PIAS2: variants seen among roughly 807,000 people sequenced by gnomAD.
PIAS2 encodes the protein E3 SUMO-protein ligase PIAS2.
In PIAS2, 19 loss-of-function variants were observed where a neutral mutation model predicts 69.7. That is an observed-to-expected ratio of 0.27 (90% CI 0.19 to 0.40). The LOEUF is 0.40. Among genes scored for constraint, PIAS2 ranks in the 10% least tolerant of loss-of-function variants. PIAS2 has a pLI of 1.00. For missense variants in PIAS2, 624 were observed against 757.0 expected (o/e 0.82, Z 2.06); for synonymous variants, 261 against 263.2 (o/e 0.99, Z 0.08).
intron 1 of PIAS2, among the ~76,000 whole-genome samples, chr18:46,912,266 T>G (rs1345704308): frequency 6.6e-6 from 1 of 152,212 alleles, no homozygotes; most frequent in Non-Finnish European, 1.5e-5. Context: ...CTCAAGTCTC[T>G]TACATGAAAT....
chr18:46,861,411 A>C (rs2048644371), intron 3 of PIAS2, among the ~76,000 whole-genome samples: 1 of 152,220 alleles, frequency 6.6e-6, no homozygotes, highest in Admixed American at 6.5e-5. Flanking sequence ...CACTGAATTA[A>C]TCTGCAAAAG....
chr18:46,880,578 G>C (rs1320950538), intron 2 of PIAS2, among the ~76,000 whole-genome samples: 3 of 152,156 alleles, frequency 2.0e-5, no homozygotes, highest in African/African-American at 7.2e-5. Flanking sequence ...GGGCAACACA[G>C]TGAGACCCCC....
intron 1 of PIAS2, among the ~76,000 whole-genome samples, chr18:46,915,794 A>C (rs932793622): frequency 1.7e-4 from 26 of 151,698 alleles, no homozygotes; most frequent in South Asian, 4.2e-4. Flanking sequence ...TCATTAACAA[A>C]AAAAAAAAAA....
chr18:46,860,861 T>TC lies in PIAS2; in HGVS notation c.584+3302_584+3303insG, dbSNP rs2048552939. Among the ~76,000 whole-genome samples, 4 of 152,098 alleles carry TC rather than the reference T, an allele frequency of 2.6e-5. No homozygotes were observed. The South Asian group carries it at 8.3e-4, about 32-fold the overall frequency. ...GTGTGGTGTTGTACACCTGTAGTCC[T>TC]AGCTTCTTGTGGGGCTGAGATGGGA... On this transcript the variant is annotated intron_variant, in intron 3 of 13. Transcript: ENST00000585916.
intron 2 of PIAS2, among the ~76,000 whole-genome samples, chr18:46,871,659 C>G (rs546181776): frequency 6.6e-6 from 1 of 152,102 alleles, no homozygotes; most frequent in African/African-American, 2.4e-5. Context: ...AAGAGCAGCT[C>G]GTTCCTGTTT....
At chr18:46,839,883 C>G (rs2145158708) in intron 8 of PIAS2, among the ~76,000 whole-genome samples, 1 of 147,842 alleles carries the variant, frequency 6.8e-6, no homozygotes, top group Non-Finnish European at 1.5e-5. Context: ...AAAAAAAAGG[C>G]CGGGCACAGT....
At chr18:46,815,559 G>C (rs2041424724) in intron 12 of PIAS2, 1 of 985,056 alleles carries the variant, frequency 1.0e-6, no homozygotes, top group African/African-American at 1.7e-5. Context: ...GGAAAAACTA[G>C]CTCCCAGAGA....
At chr18:46,852,077 C>G (rs1466405954) in intron 5 of PIAS2, among the ~76,000 whole-genome samples, 2 of 152,208 alleles carry the variant, frequency 1.3e-5, no homozygotes, top group Admixed American at 6.5e-5. Flanking sequence ...CTCACTATAA[C>G]TCCTATAGGG....
intron 2 of PIAS2, among the ~76,000 whole-genome samples, chr18:46,869,672 G>A (rs1041196944): frequency 1.3e-5 from 2 of 152,140 alleles, no homozygotes; most frequent in Non-Finnish European, 2.9e-5. Flanking sequence ...ACATACTGGA[G>A]GGACAGTGAA....
chr18:46,881,739 T>C (rs1477335021), intron 2 of PIAS2, among the ~76,000 whole-genome samples: 1 of 152,220 alleles, frequency 6.6e-6, no homozygotes, highest in East Asian at 1.9e-4. Flanking sequence ...AATGTGAACA[T>C]TACCTCCCTA....
intron 9 of PIAS2, among the ~76,000 whole-genome samples, chr18:46,831,991 A>C (rs118036342): frequency 6.6e-6 from 1 of 152,262 alleles, no homozygotes; most frequent in East Asian, 1.9e-4. Flanking sequence ...GCTTTTTGAC[A>C]TACACTGTTA....
At chr18:46,864,030 G>A in intron 3 of PIAS2, 134 bp downstream of exon 3, 1 of 541,698 alleles carries the variant, frequency 1.8e-6, no homozygotes, top group Non-Finnish European at 3.3e-6. Flanking sequence ...CTTGATCTTG[G>A]ACAGAAGCCT....
At chr18:46,900,655 G>A (rs948500369) in intron 1 of PIAS2, among the ~76,000 whole-genome samples, 2 of 148,130 alleles carry the variant, frequency 1.4e-5, no homozygotes, top group Middle Eastern at 3.5e-3. Flanking sequence ...CAGCCTGGGT[G>A]ACAGAGTAAG....
intron 1 of PIAS2, among the ~76,000 whole-genome samples, chr18:46,910,171 T>C (rs2057099179): frequency 6.6e-6 from 1 of 151,720 alleles, no homozygotes; most frequent in Non-Finnish European, 1.5e-5. Context: ...AATAAATAAA[T>C]AAATAAATAA....
intron 1 of PIAS2, among the ~76,000 whole-genome samples, chr18:46,910,456 A>G (rs2057133804): frequency 6.6e-6 from 1 of 151,742 alleles, no homozygotes. Context: ...GAATACCTAA[A>G]TACAAACCCA....
chr18:46,807,316 G>A lies in PIAS2; in HGVS notation c.*5117C>T, dbSNP rs2040732738. The A allele has an allele frequency of 7.8e-6, 1 of 127,544 alleles. No individual in the cohort carries two copies. Among genetic ancestry groups the A allele is most frequent in the Admixed American group, 8.1e-5 (1 of 12,288 alleles). The allele number at this position is 127,544 out of a possible 1,614,324, so 7.9% of individuals were successfully genotyped here. A position where few individuals can be genotyped will look rare whatever the true frequency, so the allele number is the denominator to read the frequency against. On this transcript the variant is annotated 3_prime_UTR_variant, in exon 14 of 14. Transcript: ENST00000585916. ...GCCAGTAAAATCATGGGAAAAGCTT[G>A]GATAGCCATACGTAGGTGTTTCTGA...
intron 1 of PIAS2, among the ~76,000 whole-genome samples, chr18:46,904,881 T>C (rs1282893869): frequency 6.6e-6 from 1 of 152,106 alleles, no homozygotes; most frequent in Admixed American, 6.6e-5. Flanking sequence ...TACAGTTCTT[T>C]CATGTGCTAG....
upstream of PIAS2, chr18:46,920,128 A>G (rs1457854330): frequency 7.8e-7 from 1 of 1,284,552 alleles, no homozygotes; most frequent in African/African-American, 1.5e-5. Context: ...CAGCTCCTGG[A>G]TGGGTTGGGT....
At chr18:46,850,566 T>G (rs1304622755) in intron 5 of PIAS2, among the ~76,000 whole-genome samples, 2 of 152,168 alleles carry the variant, frequency 1.3e-5, no homozygotes, top group African/African-American at 4.8e-5. Context: ...GGGGTAAAAA[T>G]TTTAGAAACA....
Sources: gnomAD v4.1 joint callset for allele counts (sites outside exome capture counted in the v4.1 genomes callset) on GRCh38, gnomAD v4.1.1 for gene constraint, MANE v1.5 for transcripts, NCBI Gene and HGNC (gene_info 2026-07-23, HGNC 2026-07-21) for gene names.